RREB1: variants seen among roughly 807,000 people sequenced by gnomAD.
RREB1 encodes the protein ras-responsive element-binding protein 1.
In RREB1, 27 loss-of-function variants were observed where a neutral mutation model predicts 117.8. The ratio of observed to expected loss-of-function variants is 0.23; its 90% CI spans 0.17 to 0.32. The LOEUF (loss-of-function observed/expected upper bound fraction) is 0.32, where lower values mean the gene tolerates loss of function less well. Ranked by LOEUF, RREB1 falls within the 10% of genes least tolerant of loss-of-function variation. The pLI is 1.00. For missense variants in RREB1, 2,577 were observed against 2,378.2 expected (o/e 1.08, Z -1.74); for synonymous variants, 1,298 against 1,026.7 (o/e 1.26, Z -5.05).
At chr6:7,121,933 G>A (rs1761698628) in intron 1 of RREB1, among the ~76,000 whole-genome samples, 1 of 152,028 alleles carries the variant, frequency 6.6e-6, no homozygotes, top group South Asian at 2.1e-4. Flanking sequence ...GGTGTGCTCC[G>A]GCCACTCAGC....
chr6:7,129,162 G>T (rs182964960), intron 1 of RREB1, among the ~76,000 whole-genome samples: 30 of 152,326 alleles, frequency 2.0e-4, no homozygotes, highest in Non-Finnish European at 3.5e-4. Context: ...CCATGGGAAG[G>T]CCAAGGCTCA....
intron 8 of RREB1, among the ~76,000 whole-genome samples, chr6:7,221,361 A>G (rs1000278895): frequency 6.7e-6 from 1 of 150,336 alleles, no homozygotes; most frequent in Non-Finnish European, 1.5e-5. Flanking sequence ...TTTAGTAGAG[A>G]CGGGGTTTCA....
In RREB1 at chr6:7,230,526, C is replaced by T. The variant is rs763310486; in HGVS notation, c.2427C>T (p.Ile809=). ...CCAAGCGCAACTGCATCCACCACAT[C>T]CTCAAGCAGCACCTGCACGTGCCCG... is the stretch of plus-strand genomic sequence containing the variant. ...FAAKRNCIHH[I]LKQHLHVPEQ... The change falls in exon 10 of 13, where the codon ATC becomes ATT. Residue 809 remains isoleucine (I), a synonymous_variant. Coordinates refer to ENST00000379938, the MANE Select transcript of RREB1 (RefSeq NM_001003699.4). The T allele has an allele frequency of 6.3e-6, 10 of 1,595,436 alleles. No individual in the cohort carries two copies. The highest frequency in any genetic ancestry group is 6.8e-6 in the Non-Finnish European group (8 of 1,176,208).
At chr6:7,110,289 A>G (rs982377708) in intron 1 of RREB1, among the ~76,000 whole-genome samples, 2 of 152,218 alleles carry the variant, frequency 1.3e-5, no homozygotes, top group African/African-American at 2.4e-5. Context: ...GTAGGCAGGT[A>G]TAGTTTCTAA....
At chr6:7,182,479 C>T (rs901126609) in intron 4 of RREB1, among the ~76,000 whole-genome samples, 1 of 152,132 alleles carries the variant, frequency 6.6e-6, no homozygotes, top group Non-Finnish European at 1.5e-5. Context: ...CTAGGGCTGC[C>T]GTTCAGCTTT....
intron 6 of RREB1, among the ~76,000 whole-genome samples, chr6:7,203,853 TC>T (rs1271869585): frequency 1.3e-5 from 2 of 152,180 alleles, no homozygotes; most frequent in Non-Finnish European, 2.9e-5. Context: ...TATAGACACC[TC>T]CCAGAATGGA....
intron 1 of RREB1, among the ~76,000 whole-genome samples, chr6:7,110,078 T>G (rs1014994676): frequency 5.3e-5 from 8 of 152,202 alleles, no homozygotes; most frequent in African/African-American, 1.7e-4. Flanking sequence ...AAAGGCAGAG[T>G]TGCTAGTGCA....
rs570925984 is a variant in RREB1, at chr6:7,172,944, C to G, written c.-284-3711C>G. 5.9e-5 allele frequency among the ~76,000 whole-genome samples: 9 copies of G among 152,298 alleles called. No homozygotes were observed. In the South Asian group the frequency reaches 1.9e-3, roughly 32 times the overall value. Reference sequence around the variant, plus strand: ...CCTAGCCAAGACTCAGCCCATCCTTCAAGAGATGCCTTTGCTGTTTGTCAA... The same window carrying G: ...CCTAGCCAAGACTCAGCCCATCCTTGAAGAGATGCCTTTGCTGTTTGTCAA... On this transcript the variant is annotated intron_variant, in intron 1 of 12. Coordinates refer to ENST00000379938, the MANE Select transcript of RREB1 (RefSeq NM_001003699.4).
intron 1 of RREB1, among the ~76,000 whole-genome samples, chr6:7,134,325 A>T (rs1762266123): frequency 6.6e-6 from 1 of 152,220 alleles, no homozygotes; most frequent in Non-Finnish European, 1.5e-5. Flanking sequence ...CTTTCGCTAG[A>T]GGGTTGGCCT....
At chr6:7,168,814 C>G (rs960886075) in intron 1 of RREB1, among the ~76,000 whole-genome samples, 7 of 152,212 alleles carry the variant, frequency 4.6e-5, no homozygotes, top group African/African-American at 1.7e-4. Context: ...CCTTCTTGTG[C>G]TACAGTGGAA....
chr6:7,243,787 G>C (rs1195726527), intron 11 of RREB1, among the ~76,000 whole-genome samples: 2 of 151,790 alleles, frequency 1.3e-5, no homozygotes, highest in Non-Finnish European at 2.9e-5. Flanking sequence ...GGAACAATTT[G>C]ATCTTATATT....
chr6:7,187,352 C>A (rs776193089), intron 4 of RREB1, 82 bp from the exon 5 acceptor site: 2 of 821,522 alleles, frequency 2.4e-6, no homozygotes, highest in Non-Finnish European at 2.0e-6. Flanking sequence ...GACACAAGTG[C>A]TTATTACACT....
intron 6 of RREB1, among the ~76,000 whole-genome samples, chr6:7,194,351 A>T (rs982851834): frequency 6.6e-5 from 10 of 152,126 alleles, no homozygotes; most frequent in African/African-American, 1.9e-4. Flanking sequence ...GGAGTTTGAG[A>T]CCAGCCTGGC....
rs369396664 is a variant in RREB1 at position 7,228,950 on chromosome 6, C to T, written c.898-47C>T. The T allele has an allele frequency of 2.9e-5, 41 of 1,434,634 alleles. No individual in the cohort carries two copies. In the African/African-American group the frequency reaches 4.8e-4, roughly 17 times the overall value. The allele number at this position is 1,434,634 out of a possible 1,614,324, so 88.9% of individuals were successfully genotyped here. On this transcript the variant is annotated intron_variant, in intron 9 of 12. Transcript: ENST00000379938. ...CATCTCCGTTTAGTGATTATTTTTT[C>T]AATCTTCACATGTGTTCCCTTGCTT...
At chr6:7,204,387 A>C (rs376730492) in intron 6 of RREB1, among the ~76,000 whole-genome samples, 96 of 148,942 alleles carry the variant, frequency 6.4e-4, no homozygotes, top group African/African-American at 2.2e-3. Context: ...CATCATCCAC[A>C]GCCCTCCACA....
chr6:7,232,821 G>A (rs916317837), intron 10 of RREB1, among the ~76,000 whole-genome samples: 1 of 148,882 alleles, frequency 6.7e-6, no homozygotes, highest in African/African-American at 2.5e-5. Flanking sequence ...AAACTTCTGG[G>A]CTCAAGCAGT....
intron 1 of RREB1, among the ~76,000 whole-genome samples, chr6:7,137,997 A>G (rs1184286010): frequency 4.6e-5 from 7 of 152,208 alleles, no homozygotes; most frequent in Non-Finnish European, 2.9e-5. Flanking sequence ...CCTAGTCAGG[A>G]AGATTAATAA....
upstream of RREB1, chr6:7,107,913 A>T (rs1461045033): frequency 6.5e-6 from 1 of 152,702 alleles, no homozygotes; most frequent in Non-Finnish European, 1.5e-5. Context: ...GAGGAGGGGA[A>T]GTGACTGCGG....
At chr6:7,221,238 G>A (rs561493669) in intron 8 of RREB1, among the ~76,000 whole-genome samples, 2 of 151,438 alleles carry the variant, frequency 1.3e-5, no homozygotes, top group Non-Finnish European at 2.9e-5. Flanking sequence ...GCGCAATCTC[G>A]GCTCACTGCA....
Sources: allele counts gnomAD v4.1 joint callset (sites outside exome capture counted in the v4.1 genomes callset), GRCh38; gene constraint gnomAD v4.1.1; transcripts MANE v1.5; gene names NCBI Gene and HGNC (gene_info 2026-07-23, HGNC 2026-07-21).